FRMPD1: variants seen among roughly 807,000 people sequenced by gnomAD.
The protein encoded by FRMPD1 is FERM and PDZ domain containing 1.
Under a neutral mutation model 117.8 loss-of-function variants are expected in FRMPD1, and 76 were observed. The ratio of observed to expected loss-of-function variants is 0.65; its 90% CI spans 0.54 to 0.78. The LOEUF (loss-of-function observed/expected upper bound fraction) is 0.78. Ranked by LOEUF, FRMPD1 falls within the 30% of genes least tolerant of loss-of-function variation. The probability of loss-of-function intolerance (pLI) is 0.00; values close to 1 mark genes in which losing one functional copy is unlikely to be tolerated. For synonymous variants in FRMPD1, 783 were observed against 770.4 expected (o/e 1.02, Z -0.27); for missense variants, 1,786 against 1,964.5 (o/e 0.91, Z 1.72).
intron 5 of FRMPD1, among the ~76,000 whole-genome samples, chr9:37,713,693 G>T (rs910401300): frequency 6.6e-6 from 1 of 151,804 alleles, no homozygotes; most frequent in African/African-American, 2.4e-5. Context: ...GTATATATAT[G>T]TATATAGTTT....
At chr9:37,629,539 A>G in the FRMPD1 span, among the ~76,000 whole-genome samples, 2 of 152,222 alleles carry the variant, frequency 1.3e-5, no homozygotes, top group East Asian at 3.8e-4. Flanking sequence ...TGCTCAGGGC[A>G]GTAGCAATGC....
chr9:37,619,884 T>G, the FRMPD1 span, among the ~76,000 whole-genome samples: 1 of 151,766 alleles, frequency 6.6e-6, no homozygotes, highest in Non-Finnish European at 1.5e-5. Flanking sequence ...TACTGCTTTT[T>G]GTAGGTGCCA....
At chr9:37,719,244 A>T (rs1823287950) in intron 6 of FRMPD1, 68 bp downstream of exon 6, 1 of 940,904 alleles carries the variant, frequency 1.1e-6, no homozygotes, top group Non-Finnish European at 1.7e-6. Flanking sequence ...TAACTCCCTG[A>T]ACCTCTGGAA....
At chr9:37,731,722 A>T (rs10814611) in intron 9 of FRMPD1, among the ~76,000 whole-genome samples, 18,605 of 151,982 alleles carry the variant, frequency 0.12, 1,369 homozygotes, top group East Asian at 0.35. Context: ...AAATACAAAA[A>T]ATTAGCCAGC....
intron 2 of FRMPD1, among the ~76,000 whole-genome samples, chr9:37,705,965 A>AAAT (rs1438429209): frequency 1.1e-3 from 70 of 66,000 alleles, no homozygotes; most frequent in African/African-American, 2.7e-3. Flanking sequence ...CCCTCAAAAT[A>AAAT]AATAAATAAA....
At chr9:37,611,340 G>A in the FRMPD1 span, among the ~76,000 whole-genome samples, 447 of 152,186 alleles carry the variant, frequency 2.9e-3, 3 homozygotes, top group African/African-American at 0.01. Flanking sequence ...GTGCTTCTGC[G>A]GACGGCCCCA....
intron 1 of FRMPD1, among the ~76,000 whole-genome samples, chr9:37,670,519 C>G (rs1209232938): frequency 1.3e-5 from 2 of 152,126 alleles, no homozygotes; most frequent in African/African-American, 4.8e-5. Flanking sequence ...GCAAAAAGAT[C>G]AAAGCATGGC....
intron 1 of FRMPD1, among the ~76,000 whole-genome samples, chr9:37,686,000 T>C (rs1821928658): frequency 6.6e-6 from 1 of 152,258 alleles, no homozygotes; most frequent in African/African-American, 2.4e-5. Context: ...CCTTGACATA[T>C]TTAGTCTTCT....
chr9:37,628,017 A>G, the FRMPD1 span, among the ~76,000 whole-genome samples: 3 of 152,348 alleles, frequency 2.0e-5, no homozygotes, highest in South Asian at 4.1e-4. Context: ...CGGCACATTT[A>G]AAAGCAGAAT....
At chr9:37,716,270 A>G (rs977952620) in intron 5 of FRMPD1, among the ~76,000 whole-genome samples, 3 of 152,222 alleles carry the variant, frequency 2.0e-5, no homozygotes, top group African/African-American at 4.8e-5. Context: ...ACGTCCCTTC[A>G]GTTCCATGCT....
At chr9:37,635,404 T>G in the FRMPD1 span, among the ~76,000 whole-genome samples, 5 of 152,242 alleles carry the variant, frequency 3.3e-5, no homozygotes, top group African/African-American at 1.2e-4. Context: ...GACTCCCCTT[T>G]TTTTGAACTG....
chr9:37,700,971 T>C (rs1006353197), intron 2 of FRMPD1, among the ~76,000 whole-genome samples: 3 of 152,184 alleles, frequency 2.0e-5, no homozygotes, highest in Non-Finnish European at 4.4e-5. Flanking sequence ...TTACTGTCAA[T>C]ATTAAATGTT....
rs991358428 is a variant in FRMPD1 at position 37,746,620 on chromosome 9, A to G, written c.4588A>G (p.Thr1530Ala). 2 of 1,613,922 alleles carry G rather than the reference A, an allele frequency of 1.2e-6. No homozygotes were observed. The highest frequency in any genetic ancestry group is 1.3e-5 in the African/African-American group (1 of 75,056). ...GGGGAACCTGAGGGATGTGGTGTAC[A>G]CCTACCATCAGTTTATAGAGGCTGC... ...AAGNLRDVVYTYHQFIEAAKS... is the reference protein window; with the variant it reads ...AAGNLRDVVYAYHQFIEAAKS... Residue 1530 changes from threonine (T) to alanine (A), a missense_variant, in exon 16 of 16, where the codon ACC (threonine) becomes GCC (alanine). By Grantham distance (58) the Thr-to-Ala change is moderately conservative (BLOSUM62 0). Transcript: ENST00000377765.
chr9:37,655,496 C>CTTTTTTTTT (rs10615941), intron 1 of FRMPD1, among the ~76,000 whole-genome samples: 2 of 88,598 alleles, frequency 2.3e-5, no homozygotes, highest in Non-Finnish European at 4.1e-5. Context: ...TGTCCCCACT[C>CTTTTTTTTT]TTTTTTTTTT....
chr9:37,716,610 A>G (rs115767310), intron 5 of FRMPD1, among the ~76,000 whole-genome samples: 1,926 of 152,298 alleles, frequency 0.013, 45 homozygotes, highest in African/African-American at 0.044. Flanking sequence ...TTCTTCCTGC[A>G]GATTCCTTTT....
upstream of FRMPD1, among the ~76,000 whole-genome samples, chr9:37,650,759 G>T (rs1434032134): frequency 6.6e-6 from 1 of 151,818 alleles, no homozygotes; most frequent in Non-Finnish European, 1.5e-5. Flanking sequence ...GCCCGGGTGG[G>T]AGCGGGACCG....
Position 37,740,952 on chromosome 9 carries a change from C to CT in FRMPD1, c.2356+69dup. ...CTGAGTGCCTCCCGGGGATCAAGGC[C>CT]TGGGGCCAAGCTTGAGAGGAAGGCA... On this transcript the variant is annotated intron_variant, in intron 15 of 15. Transcript: ENST00000377765. This position sits in a 1 kb window ranked among gnomAD's most constrained non-coding sequence, Gnocchi z 4.2. The CT allele has an allele frequency of 8.1e-7, 1 of 1,228,346 alleles. No homozygotes were observed. Among genetic ancestry groups the CT allele is most frequent in the Non-Finnish European group, 1.2e-6 (1 of 833,340 alleles). The allele number at this position is 1,228,346 out of a possible 1,614,324, so 76.1% of individuals were successfully genotyped here. A position where few individuals can be genotyped will look rare whatever the true frequency, so the allele number is the denominator to read the frequency against.
the FRMPD1 span, among the ~76,000 whole-genome samples, chr9:37,618,626 C>A: frequency 2.6e-5 from 4 of 152,228 alleles, no homozygotes; most frequent in East Asian, 5.8e-4. Context: ...TCCAAATTAA[C>A]CTTTCCAGGT....
chr9:37,669,323 A>C lies in FRMPD1; in HGVS notation c.-5+18229A>C, dbSNP rs1821269492. ...TGATGGTCTGCATTGAGGATTCTTC[A>C]AGTATGGTCCCCACCTGTATTCTCC... On this transcript the variant is annotated intron_variant, in intron 1 of 15. Coordinates refer to ENST00000377765, the MANE Select transcript of FRMPD1 (RefSeq NM_014907.3). 2.0e-5 allele frequency among the ~76,000 whole-genome samples: 3 copies of C among 152,198 alleles called. No individual in the cohort carries two copies. In the South Asian group the frequency reaches 6.2e-4, roughly 32 times the overall value.
Sources: allele counts gnomAD v4.1 joint callset (sites outside exome capture counted in the v4.1 genomes callset), GRCh38; gene constraint gnomAD v4.1.1; non-coding constraint Gnocchi (gnomAD v3.1); transcripts MANE v1.5; gene names NCBI Gene and HGNC (gene_info 2026-07-23, HGNC 2026-07-21).